VSIG10: variants seen among roughly 807,000 people sequenced by gnomAD.
VSIG10 encodes V-set and immunoglobulin domain-containing protein 10.
VSIG10 carries 48 observed loss-of-function variants against 58.7 expected under a neutral mutation model. The observed-to-expected ratio is 0.82, with a 90% CI of 0.65 to 1.04. VSIG10 has a LOEUF of 1.04. Among genes scored for constraint, VSIG10 ranks in the 50% least tolerant of loss-of-function variants. The pLI is 0.00. For synonymous variants in VSIG10, 260 were observed against 267.1 expected, an observed-to-expected ratio of 0.97 and a Z score of 0.26; for missense variants, 628 against 670.0, an observed-to-expected ratio of 0.94 and a Z score of 0.69.
chr12:118,082,036 AAAG>A, intron 3 of VSIG10, 88 bp downstream of exon 3: 5 of 1,302,002 alleles, frequency 3.8e-6, no homozygotes, highest in Admixed American at 3.0e-5. Flanking sequence ...AAAAAAAAAA[AAAG>A]ACAAATGGGA....
chr12:118,092,867 C>T (rs1293250018), intron 2 of VSIG10, among the ~76,000 whole-genome samples: 1 of 152,072 alleles, frequency 6.6e-6, no homozygotes, highest in Non-Finnish European at 1.5e-5. Flanking sequence ...AACTCCTGGG[C>T]TCAAATCATC....
At chr12:118,067,737 T>C (rs752251805) in intron 8 of VSIG10, among the ~76,000 whole-genome samples, 9 of 152,032 alleles carry the variant, frequency 5.9e-5, no homozygotes, top group Non-Finnish European at 1.2e-4. Context: ...GCTGGGATTA[T>C]AGGCGTGAGC....
Position 118,095,667 on chromosome 12 carries a change from G to C in VSIG10, c.227C>G (p.Ala76Gly). ...ATCCACTAGAGAGAAGCGAGGCTCA[G>C]CTGGCCGGAGGCTAGAGTTGGACGA... is the stretch of plus-strand genomic sequence containing the variant. ...LLSSNSSLRP[A>G]EPRFSLVDAT... The change falls in exon 2 of 9, where the codon GCT becomes GGT. Residue 76 changes from alanine to glycine, a missense_variant. Ala to Gly is a moderately conservative substitution (Grantham distance 60, BLOSUM62 0). Transcript: ENST00000359236. 6.2e-7 allele frequency: 1 copy of C among 1,613,942 alleles called. No homozygotes were observed. The highest frequency in any genetic ancestry group is 8.5e-7 in the Non-Finnish European group (1 of 1,179,898).
chr12:118,079,707 C>T (rs777503481), intron 3 of VSIG10, 101 bp from the exon 4 acceptor site: 1 of 1,488,688 alleles, frequency 6.7e-7, no homozygotes, highest in Non-Finnish European at 9.1e-7. Context: ...AGAGGGACAT[C>T]AACCCCAGTT....
Position 118,071,037 on chromosome 12 carries a change from C to A in VSIG10, c.1346+15G>T, listed in dbSNP as rs749800128. The A allele has an allele frequency of 6.2e-7, 1 of 1,601,002 alleles. No individual in the cohort carries two copies. Among genetic ancestry groups the A allele is most frequent in the Non-Finnish European group, 8.5e-7 (1 of 1,173,374 alleles). ...GCGGGAATGGGTGTTTGGTTTGATTCTAGGGAACACTCACCTGGAAGTGTT... is the reference window on the plus strand; with the variant it reads ...GCGGGAATGGGTGTTTGGTTTGATTATAGGGAACACTCACCTGGAAGTGTT... On this transcript the variant is annotated intron_variant, in intron 7 of 8. Coordinates refer to ENST00000359236, the MANE Select transcript of VSIG10 (RefSeq NM_019086.6).
intron 2 of VSIG10, among the ~76,000 whole-genome samples, chr12:118,090,695 C>T (rs2033268440): frequency 6.6e-6 from 1 of 152,146 alleles, no homozygotes. Flanking sequence ...CTCTGTCACC[C>T]AGGATGGAGT....
chr12:118,082,421 AG>A lies in VSIG10; in HGVS notation c.369del (p.Tyr124IlefsTer47). On this transcript the variant is annotated frameshift_variant, in exon 3 of 9. Coordinates refer to ENST00000359236, the MANE Select transcript of VSIG10 (RefSeq NM_019086.6). LOFTEE classifies it high-confidence loss of function. ...FQVWLQVASG[P>X]YQIEVHIVAT... is the part of the protein sequence containing the mutation. ...GCCACGATGTGGACCTCAATCTGAT[AG>A]GGGCCGCCTGGGGATGACAGGGGGA... 6.2e-7 allele frequency: 1 copy of A among 1,608,380 alleles called. No individual in the cohort carries two copies. Among genetic ancestry groups the A allele is most frequent in the Non-Finnish European group, 8.5e-7 (1 of 1,175,774 alleles).
At chr12:118,094,979 C>A (rs572763992) in intron 2 of VSIG10, among the ~76,000 whole-genome samples, 63 of 151,826 alleles carry the variant, frequency 4.1e-4, no homozygotes, top group Admixed American at 1.4e-3. Context: ...TCTTGGCTCA[C>A]TGCAACCTCC....
At chr12:118,076,882 T>A (rs1169793518) in intron 4 of VSIG10, among the ~76,000 whole-genome samples, 2 of 152,068 alleles carry the variant, frequency 1.3e-5, no homozygotes, top group Non-Finnish European at 2.9e-5. Context: ...TGGTCTCGAA[T>A]TCCTAGCCGT....
rs1049768533 is a variant in VSIG10, at chr12:118,082,031, A to AAG, written c.664+95_664+96insCT. The AAG allele has an allele frequency of 9.0e-6, 12 of 1,327,052 alleles. No homozygotes were observed. In the African/African-American group the frequency reaches 1.5e-4, roughly 16 times the overall value. 82.2% of individuals were successfully genotyped at this position (1,327,052 alleles called of 1,614,324 possible). A position where few individuals can be genotyped will look rare whatever the true frequency, so the allele number is the denominator to read the frequency against. On this transcript the variant is annotated intron_variant, in intron 3 of 8. Transcript: ENST00000359236. Reference sequence around the variant, plus strand: ...AAACTCCATCTTAAAAAAAAAAAAAAAAAAAAAGACAAATGGGAGAGGCAC... The same window carrying AAG: ...AAACTCCATCTTAAAAAAAAAAAAAAAGAAAAAAAGACAAATGGGAGAGGCAC...
At chr12:118,094,903 ATTT>A (rs749324895) in intron 2 of VSIG10, among the ~76,000 whole-genome samples, 1 of 124,874 alleles carries the variant, frequency 8.0e-6, no homozygotes. Context: ...TGCCTGGCGA[ATTT>A]TTTTTTTTTT....
intron 2 of VSIG10, among the ~76,000 whole-genome samples, chr12:118,089,153 T>A (rs991550539): frequency 1.3e-5 from 2 of 151,952 alleles, no homozygotes; most frequent in Non-Finnish European, 2.9e-5. Flanking sequence ...TTCACCATGT[T>A]GGCCAGGCTG....
chr12:118,095,837 G>C (rs2033434823), intron 1 of VSIG10, 23 bp from the exon 2 acceptor site: 1 of 1,583,040 alleles, frequency 6.3e-7, no homozygotes, highest in African/African-American at 1.3e-5. Context: ...AGATCAGGCT[G>C]TTACTACCCT....
At chr12:118,103,511 G>A in intron 1 of VSIG10, 82 bp downstream of exon 1, 1 of 1,360,764 alleles carries the variant, frequency 7.3e-7, no homozygotes, top group Non-Finnish European at 9.7e-7. Context: ...GGCGGAGTCG[G>A]AGGGAATTGG....
intron 1 of VSIG10, among the ~76,000 whole-genome samples, chr12:118,097,085 T>C (rs1256777992): frequency 6.6e-6 from 1 of 152,030 alleles, no homozygotes; most frequent in African/African-American, 2.4e-5. Flanking sequence ...GAACGTCTGG[T>C]ATGTTGGGAC....
chr12:118,103,695 A>C lies in VSIG10; in HGVS notation c.-24T>G, dbSNP rs763213025. 7 of 1,474,226 alleles carry C rather than the reference A, an allele frequency of 4.7e-6. No homozygotes were observed. In the South Asian group the frequency reaches 7.7e-5, roughly 16 times the overall value. The allele number at this position is 1,474,226 out of a possible 1,614,324, so 91.3% of individuals were successfully genotyped here. ...ATCTCGCCCCAGATCCCGGCTCAGG[A>C]AACGCAGGCTCGGGCTGGGCTGGAC... is the stretch of plus-strand genomic sequence containing the variant. On this transcript the variant is annotated 5_prime_UTR_variant, in exon 1 of 9. Coordinates refer to ENST00000359236, the MANE Select transcript of VSIG10 (RefSeq NM_019086.6).
chr12:118,079,726 C>T (rs1211405154), intron 3 of VSIG10, 120 bp from the exon 4 acceptor site: 2 of 1,343,700 alleles, frequency 1.5e-6, no homozygotes, highest in Non-Finnish European at 2.0e-6. Flanking sequence ...TTAGTGTTAG[C>T]ATCTAATAGC....
rs2033419841 is a variant in VSIG10 at position 118,095,453 on chromosome 12, C to A, written c.361+80G>T. 13 of 1,558,854 alleles carry A rather than the reference C, an allele frequency of 8.3e-6. No homozygotes were observed. The South Asian group carries it at 1.5e-4, about 17-fold the overall frequency. ...ATTTCCAGGCCATCCGAACCCAAAA[C>A]CCATATTCCTGACCATGGTCTCCTC... On this transcript the variant is annotated intron_variant, in intron 2 of 8. Coordinates refer to ENST00000359236, the MANE Select transcript of VSIG10 (RefSeq NM_019086.6).
Position 118,072,113 on chromosome 12 carries a change from G to T in VSIG10, c.1220-644C>A, listed in dbSNP as rs568642825. ...GAACCCGGGAGGCGGGGGTTGCGGT[G>T]AGCCAAGATCGCGCCATTGCACTCC... On this transcript the variant is annotated intron_variant, in intron 5 of 8. Coordinates refer to ENST00000359236, the MANE Select transcript of VSIG10 (RefSeq NM_019086.6). Among the ~76,000 whole-genome samples, 3 of 151,882 alleles carry T rather than the reference G, an allele frequency of 2.0e-5. No homozygotes were observed. In the East Asian group the frequency reaches 5.8e-4, roughly 30 times the overall value.
Sources: allele counts gnomAD v4.1 joint callset (sites outside exome capture counted in the v4.1 genomes callset), GRCh38; gene constraint gnomAD v4.1.1; transcripts MANE v1.5; gene names NCBI Gene and HGNC (gene_info 2026-07-23, HGNC 2026-07-21).